The following AHI1 variants were observed in gnomAD, a reference collection of about 807,000 sequenced individuals.
The protein encoded by AHI1 is jouberin.
A neutral mutation model predicts 149.3 loss-of-function variants in AHI1; 123 were observed. The ratio of observed to expected loss-of-function variants is 0.82; its 90% CI spans 0.71 to 0.96. AHI1 has a LOEUF of 0.96. Ranked by LOEUF, AHI1 falls within the 40% of genes least tolerant of loss-of-function variation. The probability of loss-of-function intolerance (pLI) is 0.00; values close to 1 mark genes in which losing one functional copy is unlikely to be tolerated. For synonymous variants in AHI1, 475 were observed against 459.8 expected, an observed-to-expected ratio of 1.03 and a Z score of -0.42; for missense variants, 1,439 against 1,422.7, an observed-to-expected ratio of 1.01 and a Z score of -0.18.
intron 18 of AHI1, 67 bp from the exon 19 acceptor site, chr6:135,428,826 C>T: frequency 7.1e-7 from 1 of 1,400,736 alleles, no homozygotes; most frequent in Non-Finnish European, 9.5e-7. Context: ...GGTATAAAAT[C>T]TTTTCTCTTA....
intron 26 of AHI1, among the ~76,000 whole-genome samples, chr6:135,317,389 C>T (rs1786120956): frequency 1.3e-5 from 2 of 150,878 alleles, no homozygotes; most frequent in African/African-American, 2.4e-5. Flanking sequence ...CATACCATCC[C>T]ATAACTTACT....
intron 22 of AHI1, among the ~76,000 whole-genome samples, chr6:135,401,997 T>G (rs934740492): frequency 2.0e-5 from 3 of 151,186 alleles, no homozygotes; most frequent in African/African-American, 7.3e-5. Context: ...AGACAAAAAA[T>G]CCCAATTTTA....
At chr6:135,368,150 G>A (rs537102264) in intron 23 of AHI1, among the ~76,000 whole-genome samples, 18 of 152,264 alleles carry the variant, frequency 1.2e-4, no homozygotes, top group African/African-American at 4.3e-4. Flanking sequence ...ACCAGGCTCC[G>A]TGTTGGTACT....
intron 8 of AHI1, among the ~76,000 whole-genome samples, chr6:135,462,393 G>C (rs1165472123): frequency 2.0e-5 from 3 of 152,044 alleles, no homozygotes; most frequent in Non-Finnish European, 2.9e-5. Flanking sequence ...GAAAGAAGTG[G>C]TATTAGGCTG....
At chr6:135,424,093 T>C (rs1306571162) in intron 20 of AHI1, among the ~76,000 whole-genome samples, 1 of 151,842 alleles carries the variant, frequency 6.6e-6, no homozygotes, top group Non-Finnish European at 1.5e-5. Flanking sequence ...AACTGTACTG[T>C]AGAAAAAACA....
At chr6:135,317,004 C>T (rs185498926) in intron 26 of AHI1, among the ~76,000 whole-genome samples, 1 of 152,266 alleles carries the variant, frequency 6.6e-6, no homozygotes, top group Admixed American at 6.5e-5. Context: ...TTGTCTAAGA[C>T]CCTTAGCAAA....
intron 27 of AHI1, among the ~76,000 whole-genome samples, chr6:135,296,570 G>C (rs1783120989): frequency 6.6e-6 from 1 of 151,978 alleles, no homozygotes; most frequent in East Asian, 1.9e-4. Flanking sequence ...CTGCTTCAGG[G>C]CCCGCTGCAC....
intron 5 of AHI1, among the ~76,000 whole-genome samples, chr6:135,472,005 C>T (rs1178901728): frequency 2.3e-5 from 2 of 85,262 alleles, no homozygotes; most frequent in Non-Finnish European, 4.3e-5. Flanking sequence ...GGCGACAGAG[C>T]GAGACTCCGT....
In AHI1 at chr6:135,433,063, T is replaced by C. The variant is rs1562758423; in HGVS notation, c.2230A>G (p.Lys744Glu). The C allele has an allele frequency of 1.9e-6, 3 of 1,613,568 alleles. No individual in the cohort carries two copies. The highest frequency in any genetic ancestry group is 2.5e-6 in the Non-Finnish European group (3 of 1,179,580). Residue 744 changes from lysine to glutamate, a missense_variant, in exon 16 of 29, where the codon AAA becomes GAA. By Grantham distance (56) the Lys-to-Glu change is moderately conservative. Coordinates refer to ENST00000265602, the MANE Select transcript of AHI1 (RefSeq NM_001134831.2). ...AILVRQFDVH[K>E]SFINSLCFDT... ...AAACAAAGTGAGTTGATAAAACTTTTGTGAACATCAAACTGTCGGACCAAT... is the reference window on the plus strand; with the variant it reads ...AAACAAAGTGAGTTGATAAAACTTTCGTGAACATCAAACTGTCGGACCAAT...
chr6:135,337,933 A>C (rs1035886139), intron 24 of AHI1, among the ~76,000 whole-genome samples: 1 of 152,222 alleles, frequency 6.6e-6, no homozygotes, highest in Non-Finnish European at 1.5e-5. Context: ...GCGTACATGC[A>C]TATGAGCATT....
intron 11 of AHI1, among the ~76,000 whole-genome samples, chr6:135,452,269 A>T (rs956716541): frequency 3.3e-5 from 5 of 152,248 alleles, no homozygotes; most frequent in South Asian, 4.1e-4. Flanking sequence ...TGTTTTTATA[A>T]GATGGTACAA....
At chr6:135,442,327 A>C (rs1440363843) in intron 14 of AHI1, among the ~76,000 whole-genome samples, 1 of 152,202 alleles carries the variant, frequency 6.6e-6, no homozygotes, top group African/African-American at 2.4e-5. Flanking sequence ...AAATGTTTAC[A>C]AAAATCCTCC....
At chr6:135,356,315 C>T (rs1245774217) in intron 24 of AHI1, among the ~76,000 whole-genome samples, 2 of 152,058 alleles carry the variant, frequency 1.3e-5, no homozygotes, top group Non-Finnish European at 2.9e-5. Context: ...ACATTTTCTT[C>T]TCCTAAGCCC....
At chr6:135,399,411 T>C (rs1401985756) in intron 22 of AHI1, among the ~76,000 whole-genome samples, 2 of 152,132 alleles carry the variant, frequency 1.3e-5, no homozygotes, top group African/African-American at 4.8e-5. Flanking sequence ...ACAACAAAGC[T>C]TGTCTCCATG....
Position 135,433,264 on chromosome 6 carries a change from A to G in AHI1, c.2037-8T>C, listed in dbSNP as rs1235299334. 1.3e-6 allele frequency: 2 copies of G among 1,576,556 alleles called. No individual in the cohort carries two copies. Among genetic ancestry groups the G allele is most frequent in the African/African-American group, 1.4e-5 (1 of 74,042 alleles). ...ATTTCATTTTTCCATATCCTGGAAA[A>G]GGATAAGAAGTTACATATTGCTTCT... On this transcript the variant is annotated splice_polypyrimidine_tract_variant and splice_region_variant and intron_variant, in intron 15 of 28. Coordinates refer to ENST00000265602, the MANE Select transcript of AHI1 (RefSeq NM_001134831.2).
At chr6:135,291,513 C>T (rs1352882293) in intron 27 of AHI1, among the ~76,000 whole-genome samples, 2 of 152,162 alleles carry the variant, frequency 1.3e-5, no homozygotes, top group South Asian at 4.1e-4. Flanking sequence ...AAGGCAGCCA[C>T]CTCCAAGCCA....
chr6:135,355,267 G>T lies in AHI1; in HGVS notation c.3165+2865C>A, dbSNP rs1488905976. Among the ~76,000 whole-genome samples the T allele has an allele frequency of 3.3e-5, 5 of 151,884 alleles. No individual in the cohort carries two copies. The South Asian group carries it at 8.3e-4, about 25-fold the overall frequency. ...AAATAGAGGTTTGATTCTTTTTGAC[G>T]AAAGGGGTGTCACATCATGTGGAGA... On this transcript the variant is annotated intron_variant, in intron 24 of 28. Transcript: ENST00000265602.
At chr6:135,473,168 A>G (rs537673774) in intron 5 of AHI1, among the ~76,000 whole-genome samples, 1 of 152,226 alleles carries the variant, frequency 6.6e-6, no homozygotes, top group South Asian at 2.1e-4. Flanking sequence ...TTATATATGA[A>G]TATCTGATTG....
chr6:135,372,840 C>T (rs1775271648), intron 23 of AHI1, among the ~76,000 whole-genome samples: 1 of 152,202 alleles, frequency 6.6e-6, no homozygotes, highest in African/African-American at 2.4e-5. Flanking sequence ...ACCTCTAAGC[C>T]ACAAACCCTT....
Sources: gnomAD v4.1 joint callset for allele counts (sites outside exome capture counted in the v4.1 genomes callset) on GRCh38, gnomAD v4.1.1 for gene constraint, MANE v1.5 for transcripts, NCBI Gene and HGNC (gene_info 2026-07-23, HGNC 2026-07-21) for gene names.